NRXN1: variants seen among roughly 807,000 people sequenced by gnomAD.
The protein encoded by NRXN1 is neurexin 1.
Under a neutral mutation model 150.9 loss-of-function variants are expected in NRXN1, and 39 were observed. The observed-to-expected ratio is 0.26, with a 90% CI of 0.20 to 0.34. The LOEUF is 0.34. NRXN1 is among the 10% of genes least tolerant of loss of function. The pLI, the probability that NRXN1 is intolerant of heterozygous loss-of-function variation, is 1.00. For synonymous variants in NRXN1, 924 were observed against 757.0 expected (o/e 1.22, Z -3.62); for missense variants, 1,815 against 1,949.9 (o/e 0.93, Z 1.30).
At position 50,397,604 on chromosome 2, in the gene NRXN1, G is replaced by A. The variant is rs144289594; in HGVS notation, c.3364+67838C>T. Among the ~76,000 whole-genome samples the A allele has an allele frequency of 7.9e-5, 12 of 152,098 alleles. No homozygotes were observed. In the East Asian group the frequency reaches 2.1e-3, roughly 27 times the overall value. On this transcript the variant is annotated intron_variant, in intron 17 of 22. Transcript: ENST00000401669. The stretch of plus-strand genomic sequence containing the variant: ...CTTGACCAGGACACAAGCTCCTAAT[G>A]TTTCTCTCTTTTTTAAATCTGAGTT...
At chr2:50,069,449 G>T (rs1329947196) in intron 19 of NRXN1, among the ~76,000 whole-genome samples, 1 of 152,130 alleles carries the variant, frequency 6.6e-6, no homozygotes, top group Non-Finnish European at 1.5e-5. Context: ...GGATTTTCAT[G>T]AGGAAATTAA....
At chr2:50,654,078 G>A (rs941538677) in intron 5 of NRXN1, among the ~76,000 whole-genome samples, 11 of 146,758 alleles carry the variant, frequency 7.5e-5, no homozygotes, top group African/African-American at 2.5e-4. Flanking sequence ...TGTGTACAAC[G>A]TGCAGGTTTG....
In NRXN1 at chr2:50,447,737, T is replaced by TTATATATA. The variant is rs70948710; in HGVS notation, c.3364+17697_3364+17704dup. 9.7e-3 allele frequency among the ~76,000 whole-genome samples: 366 copies of TTATATATA among 37,674 alleles called. 19 individuals carry two copies. The highest frequency in any genetic ancestry group is 0.013 in the Admixed American group (38 of 2,916). The allele number at this position is 37,674 out of a possible 152,430, so 24.7% of individuals were successfully genotyped here. A position where few individuals can be genotyped will look rare whatever the true frequency, so the allele number is the denominator to read the frequency against. On this transcript the variant is annotated intron_variant, in intron 17 of 22. Transcript: ENST00000401669. ...AAATCACATAGTAAGCAGGGGAACG[T>TTATATATA]TATATATATATATATATATATATAT...
chr2:50,666,916 C>G (rs576138653), intron 5 of NRXN1, among the ~76,000 whole-genome samples: 2 of 148,376 alleles, frequency 1.3e-5, no homozygotes, highest in East Asian at 4.0e-4. Flanking sequence ...TGGTGAAGCT[C>G]ATTTAAAAAA....
At chr2:50,748,373 G>C (rs948248097) in intron 5 of NRXN1, among the ~76,000 whole-genome samples, 1 of 152,066 alleles carries the variant, frequency 6.6e-6, no homozygotes, top group Non-Finnish European at 1.5e-5. Context: ...ATAAAATGTC[G>C]ATTTGATTTT....
chr2:50,072,821 C>T (rs77293805), intron 19 of NRXN1, among the ~76,000 whole-genome samples: 1,816 of 152,206 alleles, frequency 0.012, 47 homozygotes, highest in African/African-American at 0.042. Context: ...AGTGAAGGCC[C>T]AGCAAGTGGA....
rs201586838 is a variant in NRXN1, at chr2:50,347,364, T to C, written c.3365-110394A>G. 291 of 1,203,882 alleles carry C rather than the reference T, an allele frequency of 2.4e-4. 2 individuals are homozygous for C. In the African/African-American group the frequency reaches 4.2e-3, roughly 18 times the overall value. 74.6% of individuals were successfully genotyped at this position (1,203,882 alleles called of 1,614,324 possible). On this transcript the variant is annotated intron_variant, in intron 17 of 22. Coordinates refer to ENST00000401669, the MANE Select transcript of NRXN1 (RefSeq NM_001330078.2). This position sits in a 1 kb window ranked among gnomAD's most constrained non-coding sequence, Gnocchi z 4.9. ...CTCCTGGAAGGTCCTCACTTCTACA[T>C]GACAGACATCCACCGCGAATCCACT... is the stretch of plus-strand genomic sequence containing the variant.
At chr2:50,344,523 A>T (rs994650941) in intron 17 of NRXN1, among the ~76,000 whole-genome samples, 7 of 152,186 alleles carry the variant, frequency 4.6e-5, no homozygotes, top group African/African-American at 1.7e-4. Flanking sequence ...TCTTTGACCC[A>T]AAAGAATAAT....
chr2:50,989,954 T>A (rs1698300224), intron 2 of NRXN1, among the ~76,000 whole-genome samples: 2 of 152,022 alleles, frequency 1.3e-5, no homozygotes, highest in Non-Finnish European at 2.9e-5. Flanking sequence ...AGATTTTTAG[T>A]TGCTTGCTCT....
At chr2:50,129,160 T>C (rs768193762) in intron 18 of NRXN1, among the ~76,000 whole-genome samples, 25 of 152,214 alleles carry the variant, frequency 1.6e-4, no homozygotes, top group Middle Eastern at 3.4e-3. Flanking sequence ...AATTATCCTA[T>C]CTGAATACAT....
chr2:50,521,014 G>T (rs1046664279), intron 12 of NRXN1, among the ~76,000 whole-genome samples: 2 of 151,712 alleles, frequency 1.3e-5, no homozygotes, highest in Non-Finnish European at 2.9e-5. Flanking sequence ...CTTCCTTTGC[G>T]CCTACTGAAA....
chr2:49,938,693 A>G (rs1047044233), intron 22 of NRXN1, among the ~76,000 whole-genome samples: 6 of 152,208 alleles, frequency 3.9e-5, no homozygotes, highest in Admixed American at 1.3e-4. Flanking sequence ...CTAACAGGAA[A>G]TTGTCCTTCC....
At chr2:50,121,478 C>A (rs1462968044) in intron 18 of NRXN1, among the ~76,000 whole-genome samples, 1 of 152,138 alleles carries the variant, frequency 6.6e-6, no homozygotes, top group Non-Finnish European at 1.5e-5. Context: ...TCCACATCTG[C>A]CAGAGGATGT....
At chr2:50,739,505 G>A (rs562510400) in intron 5 of NRXN1, among the ~76,000 whole-genome samples, 3 of 152,128 alleles carry the variant, frequency 2.0e-5, no homozygotes, top group Non-Finnish European at 4.4e-5. Flanking sequence ...GTTTGTATGT[G>A]TGTATAACAT....
chr2:50,140,357 C>T (rs905231369), intron 18 of NRXN1, among the ~76,000 whole-genome samples: 1 of 152,094 alleles, frequency 6.6e-6, no homozygotes, highest in African/African-American at 2.4e-5. Context: ...GACCATGTTA[C>T]TCTTCTTATC....
intron 17 of NRXN1, among the ~76,000 whole-genome samples, chr2:50,268,015 C>A (rs531367329): frequency 2.1e-4 from 32 of 152,092 alleles, no homozygotes; most frequent in African/African-American, 7.5e-4. Context: ...CATGGCGAAA[C>A]CTCGTCTCTA....
At chr2:50,428,871 CA>C (rs2084719695) in intron 17 of NRXN1, among the ~76,000 whole-genome samples, 1 of 152,080 alleles carries the variant, frequency 6.6e-6, no homozygotes. Flanking sequence ...ATAACTTTGC[CA>C]ATGTCACACA....
chr2:50,062,370 C>T (rs1490814201), intron 19 of NRXN1, among the ~76,000 whole-genome samples: 1 of 152,116 alleles, frequency 6.6e-6, no homozygotes, highest in Non-Finnish European at 1.5e-5. Context: ...AGATGGTCAC[C>T]TGTGAAGAAT....
intron 18 of NRXN1, among the ~76,000 whole-genome samples, chr2:50,140,581 A>G (rs1707125707): frequency 6.6e-6 from 1 of 152,120 alleles, no homozygotes; most frequent in South Asian, 2.1e-4. Context: ...TCCCTGTTTC[A>G]AGGCAGTAGC....
Sources: allele counts gnomAD v4.1 joint callset (sites outside exome capture counted in the v4.1 genomes callset), GRCh38; gene constraint gnomAD v4.1.1; non-coding constraint Gnocchi (gnomAD v3.1); transcripts MANE v1.5; gene names NCBI Gene and HGNC (gene_info 2026-07-23, HGNC 2026-07-21).